The following INPP4B variants were observed in gnomAD, a reference collection of about 807,000 sequenced individuals.
INPP4B encodes the protein inositol polyphosphate 4-phosphatase type II.
A neutral mutation model predicts 122.5 loss-of-function variants in INPP4B; 55 were observed. The ratio of observed to expected loss-of-function variants is 0.45; its 90% CI spans 0.36 to 0.56. The LOEUF is 0.56. Ranked by LOEUF, INPP4B falls within the 20% of genes least tolerant of loss-of-function variation. INPP4B has a pLI of 0.00. For missense variants in INPP4B, 1,000 were observed against 1,097.7 expected, an observed-to-expected ratio of 0.91 and a Z score of 1.26; for synonymous variants, 403 against 388.7, an observed-to-expected ratio of 1.04 and a Z score of -0.43.
At chr4:142,584,594 G>A (rs1352165079) in intron 2 of INPP4B, among the ~76,000 whole-genome samples, 1 of 152,134 alleles carries the variant, frequency 6.6e-6, no homozygotes, top group Non-Finnish European at 1.5e-5. Context: ...GAAGTCCACA[G>A]AAGTGGAGTA....
At chr4:142,440,638 G>C (rs186036120) in intron 3 of INPP4B, among the ~76,000 whole-genome samples, 2 of 152,098 alleles carry the variant, frequency 1.3e-5, no homozygotes, top group Non-Finnish European at 2.9e-5. Context: ...CCCCCTGCCC[G>C]TCATTCACTC....
chr4:142,531,607 T>G lies in INPP4B; in HGVS notation c.-190-68881A>C, dbSNP rs1454744645. ...CTTTCGACATTATTATAACATGATTTATTATATAATCCACACTTTAGTAAA... is the reference window on the plus strand; with the variant it reads ...CTTTCGACATTATTATAACATGATTGATTATATAATCCACACTTTAGTAAA... On this transcript the variant is annotated intron_variant, in intron 2 of 25. Coordinates refer to ENST00000262992, the MANE Select transcript of INPP4B (RefSeq NM_001101669.3). Among the ~76,000 whole-genome samples, 3 of 152,194 alleles carry G rather than the reference T, an allele frequency of 2.0e-5. No individual in the cohort carries two copies. In the East Asian group the frequency reaches 5.8e-4, roughly 29 times the overall value.
intron 25 of INPP4B, among the ~76,000 whole-genome samples, chr4:142,065,050 G>A (rs189713672): frequency 2.6e-5 from 4 of 152,102 alleles, no homozygotes; most frequent in African/African-American, 9.7e-5. Flanking sequence ...CTTGAGTATA[G>A]GATATAGTGA....
At chr4:142,103,042 C>T (rs1785236960) in intron 23 of INPP4B, among the ~76,000 whole-genome samples, 1 of 152,096 alleles carries the variant, frequency 6.6e-6, no homozygotes, top group Non-Finnish European at 1.5e-5. Flanking sequence ...TCTGATTATA[C>T]AACATGCATT....
intron 2 of INPP4B, among the ~76,000 whole-genome samples, chr4:142,480,643 C>A (rs751389993): frequency 8.5e-5 from 13 of 152,124 alleles, no homozygotes; most frequent in Non-Finnish European, 1.5e-4. Flanking sequence ...AGGTAGCATG[C>A]ATTTCTCCAT....
At position 142,827,407 on chromosome 4, in the gene INPP4B, T is replaced by C. The variant is rs139845683; in HGVS notation, c.-254+18802A>G. Among the ~76,000 whole-genome samples, 1,271 of 152,216 alleles carry C rather than the reference T, an allele frequency of 8.3e-3. 13 individuals carry two copies. The highest frequency in any genetic ancestry group is 0.024 in the African/African-American group (1,000 of 41,536). On this transcript the variant is annotated intron_variant, in intron 1 of 25. Coordinates refer to ENST00000262992, the MANE Select transcript of INPP4B (RefSeq NM_001101669.3). Reference sequence around the variant, plus strand: ...CAACTTAACAAAGTCACACACAAACTAGAAGGTCCTCGTATAAATTGGAAA... The same window carrying C: ...CAACTTAACAAAGTCACACACAAACCAGAAGGTCCTCGTATAAATTGGAAA...
intron 14 of INPP4B, among the ~76,000 whole-genome samples, chr4:142,197,647 A>G (rs1221171109): frequency 1.3e-5 from 2 of 152,206 alleles, no homozygotes; most frequent in Non-Finnish European, 2.9e-5. Context: ...TGGCAACAAT[A>G]TAGTAAGATC....
At chr4:142,249,525 A>G (rs548328505) in intron 11 of INPP4B, among the ~76,000 whole-genome samples, 1 of 152,334 alleles carries the variant, frequency 6.6e-6, no homozygotes, top group Admixed American at 6.5e-5. Flanking sequence ...GATGAAAATG[A>G]ATACTTTCAT....
At chr4:142,540,306 G>A (rs941250228) in intron 2 of INPP4B, among the ~76,000 whole-genome samples, 3 of 150,904 alleles carry the variant, frequency 2.0e-5, no homozygotes, top group African/African-American at 7.3e-5. Flanking sequence ...GGTCACATTT[G>A]TATGAAAAGG....
At chr4:142,725,740 T>A (rs1042188658) in intron 2 of INPP4B, 99 bp downstream of exon 2, 2 of 393,524 alleles carry the variant, frequency 5.1e-6, no homozygotes, top group East Asian at 3.6e-5. Flanking sequence ...ACTTTTTTGA[T>A]GGGTAATTCA....
chr4:142,403,759 G>A (rs1027177524), intron 6 of INPP4B, among the ~76,000 whole-genome samples: 1 of 152,028 alleles, frequency 6.6e-6, no homozygotes, highest in South Asian at 2.1e-4. Context: ...AATTGTCTAT[G>A]GAAATTTCTG....
At chr4:142,391,406 C>CA (rs1561994759) in intron 7 of INPP4B, among the ~76,000 whole-genome samples, 2 of 151,962 alleles carry the variant, frequency 1.3e-5, no homozygotes, top group East Asian at 3.9e-4. Flanking sequence ...AAAAAACACA[C>CA]AAAAAAATAG....
rs575904542 is a variant in INPP4B, at chr4:142,405,447, G to A, written c.137-123C>T. 134 of 648,204 alleles carry A rather than the reference G, an allele frequency of 2.1e-4. 1 individual carries two copies. In the South Asian group the frequency reaches 2.2e-3, roughly 11 times the overall value. The allele number at this position is 648,204 out of a possible 1,614,324, so 40.2% of individuals were successfully genotyped here. A position where few individuals can be genotyped will look rare whatever the true frequency, so the allele number is the denominator to read the frequency against. On this transcript the variant is annotated intron_variant, in intron 5 of 25. Transcript: ENST00000262992. ...AAGGAAATCTCCTGGGGCTCAGGCTGGTTTTACAGAGGAAGTCCCTTGGAA... is the reference window on the plus strand; with the variant it reads ...AAGGAAATCTCCTGGGGCTCAGGCTAGTTTTACAGAGGAAGTCCCTTGGAA...
At chr4:142,590,655 G>T (rs1286338271) in intron 2 of INPP4B, among the ~76,000 whole-genome samples, 1 of 151,658 alleles carries the variant, frequency 6.6e-6, no homozygotes, top group Non-Finnish European at 1.5e-5. Context: ...TAGATTAATA[G>T]GTATAAACTA....
At chr4:142,687,110 C>T (rs1353899570) in intron 2 of INPP4B, among the ~76,000 whole-genome samples, 1 of 151,852 alleles carries the variant, frequency 6.6e-6, no homozygotes, top group Non-Finnish European at 1.5e-5. Context: ...TTATTGGAAG[C>T]TATGTGGATG....
intron 1 of INPP4B, among the ~76,000 whole-genome samples, chr4:142,799,252 C>T (rs139268166): frequency 3.1e-4 from 47 of 151,958 alleles, no homozygotes; most frequent in African/African-American, 9.9e-4. Flanking sequence ...CTCCTCATTA[C>T]TTTCTAAAAC....
chr4:142,738,704 T>C (rs1218815601), intron 1 of INPP4B, among the ~76,000 whole-genome samples: 1 of 152,088 alleles, frequency 6.6e-6, no homozygotes, highest in Non-Finnish European at 1.5e-5. Context: ...GTATTCCCCA[T>C]ATGTGTCTAC....
intron 2 of INPP4B, among the ~76,000 whole-genome samples, chr4:142,500,483 C>T (rs1212143672): frequency 6.6e-6 from 1 of 152,132 alleles, no homozygotes; most frequent in Admixed American, 6.5e-5. Flanking sequence ...CTCAGGAATG[C>T]CTTTCTCAAG....
At chr4:142,402,546 G>A (rs1034294036) in intron 7 of INPP4B, among the ~76,000 whole-genome samples, 1 of 152,114 alleles carries the variant, frequency 6.6e-6, no homozygotes, top group Non-Finnish European at 1.5e-5. Flanking sequence ...TATACGGTAT[G>A]CAATACATTG....
Sources: allele counts gnomAD v4.1 joint callset (sites outside exome capture counted in the v4.1 genomes callset), GRCh38; gene constraint gnomAD v4.1.1; transcripts MANE v1.5; gene names NCBI Gene and HGNC (gene_info 2026-07-23, HGNC 2026-07-21).